NAV2: variants seen among roughly 807,000 people sequenced by gnomAD.
The protein encoded by NAV2 is neuron navigator 2, also known as helicase, APC down-regulated 1.
A neutral mutation model predicts 223.2 loss-of-function variants in NAV2; 54 were observed. The ratio of observed to expected loss-of-function variants is 0.24; its 90% CI spans 0.19 to 0.30. The LOEUF (loss-of-function observed/expected upper bound fraction) is 0.30, where lower values mean the gene tolerates loss of function less well. Ranked by LOEUF, NAV2 falls within the 10% of genes least tolerant of loss-of-function variation. NAV2 has a pLI of 1.00. For synonymous variants in NAV2, 1,279 were observed against 1,239.3 expected (o/e 1.03, Z -0.67); for missense variants, 2,806 against 3,147.5 (o/e 0.89, Z 2.60).
At chr11:19,616,639 G>A (rs60435687) in intron 1 of NAV2, among the ~76,000 whole-genome samples, 2,044 of 152,000 alleles carry the variant, frequency 0.013, 48 homozygotes, top group African/African-American at 0.047. Context: ...TGATGGGGAG[G>A]ACAGGGCTGT....
At chr11:20,043,071 G>A (rs953063963) in intron 12 of NAV2, among the ~76,000 whole-genome samples, 7 of 152,294 alleles carry the variant, frequency 4.6e-5, no homozygotes, top group South Asian at 4.1e-4. Context: ...TGCTGGGGTC[G>A]GAGCAGGCAT....
intron 1 of NAV2, among the ~76,000 whole-genome samples, chr11:19,690,106 G>C (rs965167734): frequency 3.3e-5 from 5 of 152,118 alleles, no homozygotes; most frequent in African/African-American, 1.2e-4. Flanking sequence ...GAGTAGCTGG[G>C]ATTACACCAA....
chr11:19,527,937 GACACACACAC>G (rs67561376), intron 1 of NAV2, among the ~76,000 whole-genome samples: 29,191 of 143,246 alleles, frequency 0.2, 2,956 homozygotes, highest in Non-Finnish European at 0.22. Context: ...TCCCTGCCCT[GACACACACAC>G]ACACACACAC....
Position 20,097,721 on chromosome 11 carries a change from A to G in NAV2, c.6157A>G (p.Thr2053Ala), listed in dbSNP as rs1329606273. The change falls in exon 31 of 38, where the codon ACG becomes GCG. Residue 2053 changes from threonine to alanine, a missense_variant. Thr to Ala is a moderately conservative substitution (Grantham distance 58). Coordinates refer to ENST00000349880, the MANE Select transcript of NAV2 (RefSeq NM_145117.5). ...LPCGYLVGENTTISVTVKGLA... is the reference protein window; with the variant it reads ...LPCGYLVGENATISVTVKGLA... ...TTGTGGCTATCTGGTTGGAGAGAAC[A>G]CGACCATCTCAGTGACTGTGAAAGG... 3 of 1,603,480 alleles carry G rather than the reference A, an allele frequency of 1.9e-6. No individual in the cohort carries two copies. The highest frequency in any genetic ancestry group is 2.3e-5 in the South Asian group (2 of 88,656).
chr11:19,827,002 T>C (rs2059671508), intron 1 of NAV2, among the ~76,000 whole-genome samples: 1 of 152,166 alleles, frequency 6.6e-6, no homozygotes, highest in Non-Finnish European at 1.5e-5. Flanking sequence ...CTACATCTGC[T>C]ATATCACAGG....
the NAV2 span, among the ~76,000 whole-genome samples, chr11:19,345,236 G>A: frequency 1.3e-5 from 2 of 152,220 alleles, no homozygotes; most frequent in African/African-American, 4.8e-5. The surrounding 1 kb of genome is among the most constrained non-coding windows in gnomAD (Gnocchi z 5.2). Context: ...CAGCGGCCGC[G>A]GCTGAGAAGC....
At chr11:19,907,418 A>T (rs1380704513) in intron 6 of NAV2, among the ~76,000 whole-genome samples, 1 of 152,224 alleles carries the variant, frequency 6.6e-6, no homozygotes, top group Non-Finnish European at 1.5e-5. Context: ...ACTTTTAGCA[A>T]ATGCACACTT....
At chr11:19,618,531 TGGA>T (rs1169766397) in intron 1 of NAV2, among the ~76,000 whole-genome samples, 1 of 151,780 alleles carries the variant, frequency 6.6e-6, no homozygotes. Context: ...GATGGATGGA[TGGA>T]TGGATGGGTC....
intron 1 of NAV2, among the ~76,000 whole-genome samples, chr11:19,696,086 G>A (rs1475511244): frequency 6.6e-6 from 1 of 151,860 alleles, no homozygotes; most frequent in African/African-American, 2.4e-5. Flanking sequence ...GCTGAATCAT[G>A]CCCCCATAAC....
chr11:19,690,240 G>A (rs1363592980), intron 1 of NAV2, among the ~76,000 whole-genome samples: 1 of 152,154 alleles, frequency 6.6e-6, no homozygotes, highest in African/African-American at 2.4e-5. Flanking sequence ...GGAATTACAG[G>A]TGTGAGTCAC....
At chr11:19,869,131 C>A in intron 4 of NAV2, 134 bp downstream of exon 4, 1 of 824,074 alleles carries the variant, frequency 1.2e-6, no homozygotes, top group Non-Finnish European at 1.9e-6. Context: ...CTTTATGTTG[C>A]TCAGTGGTTG....
At chr11:19,706,317 G>C (rs538699333) in intron 1 of NAV2, among the ~76,000 whole-genome samples, 13 of 152,300 alleles carry the variant, frequency 8.5e-5, no homozygotes, top group Non-Finnish European at 1.3e-4. Flanking sequence ...TATAGAAGTA[G>C]GAGAGTGGAA....
chr11:19,494,752 G>A (rs1564985118), intron 1 of NAV2, among the ~76,000 whole-genome samples: 1 of 152,198 alleles, frequency 6.6e-6, no homozygotes, highest in African/African-American at 2.4e-5. Flanking sequence ...CTAGATTCCT[G>A]AACACTTGCC....
intron 1 of NAV2, chr11:19,505,834 G>A (rs1317463309): frequency 6.6e-6 from 1 of 152,220 alleles, no homozygotes; most frequent in Non-Finnish European, 1.5e-5. Flanking sequence ...TTGAAAGTGA[G>A]ATGTTTCATT....
At chr11:19,921,184 C>G (rs1156674615) in intron 6 of NAV2, among the ~76,000 whole-genome samples, 1 of 152,178 alleles carries the variant, frequency 6.6e-6, no homozygotes, top group East Asian at 1.9e-4. Context: ...CTATCTGATA[C>G]TAAGTGTCTG....
intron 10 of NAV2, among the ~76,000 whole-genome samples, chr11:19,955,391 GA>G (rs66466771): frequency 1.3e-5 from 2 of 150,240 alleles, no homozygotes; most frequent in Non-Finnish European, 3.0e-5. Context: ...CCTTGTCTGA[GA>G]AAAAAAAAAT....
intron 1 of NAV2, among the ~76,000 whole-genome samples, chr11:19,802,652 G>A (rs539682820): frequency 1.3e-5 from 2 of 149,828 alleles, no homozygotes; most frequent in East Asian, 3.9e-4. Context: ...TGAGGCTGCA[G>A]TGAGCTATGC....
intron 1 of NAV2, among the ~76,000 whole-genome samples, chr11:19,738,056 A>C (rs2052481563): frequency 6.6e-6 from 1 of 152,216 alleles, no homozygotes; most frequent in African/African-American, 2.4e-5. Context: ...GAAAAGGTAA[A>C]ATAAAATTTT....
At chr11:19,751,411 G>A (rs2152500084) in intron 1 of NAV2, among the ~76,000 whole-genome samples, 1 of 152,244 alleles carries the variant, frequency 6.6e-6, no homozygotes, top group Admixed American at 6.5e-5. Context: ...AAGGTGTGGG[G>A]TACCCATATC....
Sources: gnomAD v4.1 joint callset for allele counts (sites outside exome capture counted in the v4.1 genomes callset) on GRCh38, gnomAD v4.1.1 for gene constraint, Gnocchi (gnomAD v3.1) non-coding constraint, MANE v1.5 for transcripts, NCBI Gene and HGNC (gene_info 2026-07-23, HGNC 2026-07-21) for gene names.